Variants in FRMD5 observed in about 807,000 individuals in gnomAD.
FRMD5 encodes FERM domain containing 5.
A neutral mutation model predicts 69.0 loss-of-function variants in FRMD5; 20 were observed. The ratio of observed to expected loss-of-function variants is 0.29; its 90% CI spans 0.20 to 0.42. The LOEUF is 0.42. FRMD5 is among the 10% of genes least tolerant of loss of function. FRMD5 has a pLI of 1.00. For synonymous variants in FRMD5, 271 were observed against 260.1 expected (o/e 1.04, Z -0.40); for missense variants, 595 against 708.6 (o/e 0.84, Z 1.82).
At chr15:43,899,901 G>A (rs780585561) in intron 7 of FRMD5, among the ~76,000 whole-genome samples, 2 of 152,152 alleles carry the variant, frequency 1.3e-5, no homozygotes, top group Non-Finnish European at 1.5e-5. Flanking sequence ...CGTGGGCAAC[G>A]GTGGAGAATC....
intron 1 of FRMD5, among the ~76,000 whole-genome samples, chr15:44,111,053 C>T (rs984967238): frequency 6.6e-6 from 1 of 152,136 alleles, no homozygotes; most frequent in African/African-American, 2.4e-5. Context: ...AATTAAAATG[C>T]CTTTTCCAGA....
At chr15:43,955,566 G>A (rs2090101721) in intron 1 of FRMD5, among the ~76,000 whole-genome samples, 1 of 152,230 alleles carries the variant, frequency 6.6e-6, no homozygotes, top group African/African-American at 2.4e-5. Flanking sequence ...AGAAGTTGAT[G>A]AAAGCCAACT....
At chr15:44,130,019 A>G (rs1399023980) in intron 1 of FRMD5, among the ~76,000 whole-genome samples, 1 of 152,040 alleles carries the variant, frequency 6.6e-6, no homozygotes, top group Non-Finnish European at 1.5e-5. Context: ...ACTCTCCCTA[A>G]CTCAGTGTCC....
intron 1 of FRMD5, among the ~76,000 whole-genome samples, chr15:43,997,227 TA>T (rs1889975741): frequency 6.6e-6 from 1 of 152,168 alleles, no homozygotes; most frequent in Non-Finnish European, 1.5e-5. Flanking sequence ...CATCTCACAA[TA>T]CTCTAACTAC....
intron 1 of FRMD5, among the ~76,000 whole-genome samples, chr15:44,180,557 G>T (rs574138535): frequency 5.9e-5 from 9 of 152,280 alleles, no homozygotes; most frequent in African/African-American, 2.2e-4. Context: ...GGCCAACATG[G>T]GCGGATCACT....
intron 1 of FRMD5, among the ~76,000 whole-genome samples, chr15:43,962,117 C>T (rs1296460150): frequency 6.6e-6 from 1 of 152,124 alleles, no homozygotes; most frequent in Non-Finnish European, 1.5e-5. Flanking sequence ...GTCAAATTGT[C>T]CCTGTTTGCA....
chr15:44,006,639 G>T (rs555216130), intron 1 of FRMD5, among the ~76,000 whole-genome samples: 1 of 152,276 alleles, frequency 6.6e-6, no homozygotes, highest in Admixed American at 6.5e-5. Flanking sequence ...CAGGAGTTTG[G>T]AAAAAGTTGA....
intron 1 of FRMD5, among the ~76,000 whole-genome samples, chr15:44,189,413 AT>A (rs1313998766): frequency 6.6e-6 from 1 of 151,684 alleles, no homozygotes; most frequent in East Asian, 1.9e-4. Context: ...GGTTGGGAGT[AT>A]GTGAACTTAG....
chr15:43,888,103 T>C, intron 10 of FRMD5, 72 bp downstream of exon 10: 1 of 1,206,284 alleles, frequency 8.3e-7, no homozygotes, highest in Non-Finnish European at 1.2e-6. Flanking sequence ...CCTGGGCACT[T>C]GGCCTCCTGT....
intron 1 of FRMD5, among the ~76,000 whole-genome samples, chr15:43,977,241 T>C (rs1034419884): frequency 2.6e-5 from 4 of 151,992 alleles, no homozygotes; most frequent in African/African-American, 9.7e-5. Flanking sequence ...GTGGTCAGGG[T>C]TGTTACTCTC....
At chr15:44,052,285 G>A (rs1202355890) in intron 1 of FRMD5, among the ~76,000 whole-genome samples, 1 of 152,006 alleles carries the variant, frequency 6.6e-6, no homozygotes, top group African/African-American at 2.4e-5. Flanking sequence ...ATTGACCATT[G>A]GGAGCTCTTT....
chr15:44,044,244 T>A (rs1442336409), intron 1 of FRMD5, among the ~76,000 whole-genome samples: 4 of 152,148 alleles, frequency 2.6e-5, no homozygotes, highest in Non-Finnish European at 5.9e-5. Context: ...CCAGTTAGAA[T>A]GGCGATCATT....
intron 1 of FRMD5, among the ~76,000 whole-genome samples, chr15:44,174,642 T>A (rs1427912914): frequency 6.6e-6 from 1 of 152,208 alleles, no homozygotes; most frequent in Non-Finnish European, 1.5e-5. Context: ...AGAAAATTTT[T>A]AAAATATTTA....
chr15:44,090,521 C>T (rs1465011235), intron 1 of FRMD5, among the ~76,000 whole-genome samples: 1 of 151,392 alleles, frequency 6.6e-6, no homozygotes, highest in Non-Finnish European at 1.5e-5. Context: ...CTCACTACAA[C>T]CTCTACCTTC....
At chr15:43,901,924 G>A (rs1041925180) in intron 7 of FRMD5, 2 of 458,656 alleles carry the variant, frequency 4.4e-6, no homozygotes, top group African/African-American at 2.0e-5. Context: ...TACCCATTGC[G>A]GGGCCCTAGC....
intron 13 of FRMD5, chr15:43,879,488 G>C (rs1197021745): frequency 7.5e-6 from 3 of 398,900 alleles, no homozygotes; most frequent in East Asian, 7.1e-5. Flanking sequence ...AAACAGGAGA[G>C]CCTTTTTTAC....
At position 43,872,278 on chromosome 15, in the gene FRMD5, A is replaced by G. The variant is rs1330923052; in HGVS notation, c.*1607T>C. The G allele has an allele frequency of 2.0e-5, 3 of 152,020 alleles. No individual in the cohort carries two copies. Among genetic ancestry groups the G allele is most frequent in the Non-Finnish European group, 4.4e-5 (3 of 68,008 alleles). 9.4% of individuals were successfully genotyped at this position (152,020 alleles called of 1,614,324 possible). On this transcript the variant is annotated 3_prime_UTR_variant, in exon 14 of 14. Transcript: ENST00000417257. ...ATATTGTAAACATGGACATGGTTCT[A>G]CCATCTCGGGGGACAAAATAGGGGA...
At chr15:43,897,898 A>G (rs996628963) in intron 7 of FRMD5, among the ~76,000 whole-genome samples, 2 of 151,958 alleles carry the variant, frequency 1.3e-5, no homozygotes, top group African/African-American at 4.8e-5. Context: ...TGATGGTTTA[A>G]AAGTATGGCA....
chr15:44,029,144 G>C (rs1437851116), intron 1 of FRMD5, among the ~76,000 whole-genome samples: 1 of 152,172 alleles, frequency 6.6e-6, no homozygotes, highest in African/African-American at 2.4e-5. Context: ...ATACCAGGCA[G>C]GCTGAATTGA....
Sources: gnomAD v4.1 joint callset for allele counts (sites outside exome capture counted in the v4.1 genomes callset) on GRCh38, gnomAD v4.1.1 for gene constraint, MANE v1.5 for transcripts, NCBI Gene and HGNC (gene_info 2026-07-23, HGNC 2026-07-21) for gene names.